Variants in EIPR1 observed in about 807,000 individuals in gnomAD.
The protein encoded by EIPR1 is EARP complex and GARP complex interacting protein 1.
EIPR1 carries 25 observed loss-of-function variants against 48.1 expected under a neutral mutation model. The ratio of observed to expected loss-of-function variants is 0.52; its 90% CI spans 0.38 to 0.73. The LOEUF (loss-of-function observed/expected upper bound fraction) is 0.73. Ranked by LOEUF, EIPR1 falls within the 30% of genes least tolerant of loss-of-function variation. EIPR1 has a pLI of 0.00. For missense variants in EIPR1, 415 were observed against 506.2 expected (o/e 0.82, Z 1.73); for synonymous variants, 204 against 201.9 (o/e 1.01, Z -0.09).
chr2:3,321,438 T>C (rs1669526738), intron 3 of EIPR1, among the ~76,000 whole-genome samples: 1 of 152,196 alleles, frequency 6.6e-6, no homozygotes, highest in African/African-American at 2.4e-5. Flanking sequence ...ACGATGAGGC[T>C]GATGGATTCC....
intron 3 of EIPR1, among the ~76,000 whole-genome samples, chr2:3,287,736 T>TAGAAAGCTCATTCACTATGCTCC (rs1558275163): frequency 1.6e-5 from 2 of 123,446 alleles, no homozygotes; most frequent in African/African-American, 3.1e-5. Context: ...CACCACGCTC[T>TAGAAAGCTCATTCACTATGCTCC]AGAAAGCTCA....
At chr2:3,377,517 A>T in intron 1 of EIPR1, 131 bp downstream of exon 1, 1 of 1,222,180 alleles carries the variant, frequency 8.2e-7, no homozygotes, top group Non-Finnish European at 1.1e-6. Flanking sequence ...TTCTCTGCAA[A>T]ATGGGAACTA....
At chr2:3,276,047 T>C (rs1285467229) in intron 3 of EIPR1, among the ~76,000 whole-genome samples, 1 of 152,214 alleles carries the variant, frequency 6.6e-6, no homozygotes, top group African/African-American at 2.4e-5. Context: ...TTTAAAAATT[T>C]ACAAAACAGT....
intron 3 of EIPR1, among the ~76,000 whole-genome samples, chr2:3,268,095 G>C (rs913663820): frequency 4.6e-5 from 7 of 152,196 alleles, no homozygotes; most frequent in African/African-American, 1.4e-4. Flanking sequence ...CGTGGCCCCA[G>C]CACTGGGCCC....
rs890856514 is a variant in EIPR1, at chr2:3,189,824, T to C, written c.990-316A>G. On this transcript the variant is annotated intron_variant, in intron 8 of 8. Transcript: ENST00000382125. The surrounding 1 kb of genome is among the most constrained non-coding windows in gnomAD (Gnocchi z 4.6). Reference sequence around the variant, plus strand: ...CCCGGGTGCCTGGGTTGATATTTTGTTGGAGGTCTTCCAAGGGCTTCCTTT... The same window carrying C: ...CCCGGGTGCCTGGGTTGATATTTTGCTGGAGGTCTTCCAAGGGCTTCCTTT... Among the ~76,000 whole-genome samples, 1 of 152,170 alleles carries C rather than the reference T, an allele frequency of 6.6e-6. No individual in the cohort carries two copies. The highest frequency in any genetic ancestry group is 2.4e-5 in the African/African-American group (1 of 41,446).
At chr2:3,247,995 TCCA>T (rs1250633033) in intron 4 of EIPR1, among the ~76,000 whole-genome samples, 1 of 152,064 alleles carries the variant, frequency 6.6e-6, no homozygotes, top group Non-Finnish European at 1.5e-5. Flanking sequence ...GTTTGTCCCC[TCCA>T]CATGTCATGT....
chr2:3,323,111 T>TA (rs34895837), intron 3 of EIPR1, among the ~76,000 whole-genome samples: 103 of 149,274 alleles, frequency 6.9e-4, no homozygotes, highest in Middle Eastern at 3.4e-3. Flanking sequence ...ATTTTTTCTT[T>TA]AAAAAAAAAA....
chr2:3,297,487 C>T (rs1668637769), intron 3 of EIPR1, among the ~76,000 whole-genome samples: 1 of 152,224 alleles, frequency 6.6e-6, no homozygotes, highest in Non-Finnish European at 1.5e-5. Context: ...CGGAGTTCAA[C>T]CAGTTTCAGA....
In EIPR1 at chr2:3,194,069, A is replaced by G. The variant is rs1387714641; in HGVS notation, c.751T>C (p.Cys251Arg). Residue 251 changes from cysteine to arginine, a missense_variant, in exon 7 of 9, where the codon TGT becomes CGT. Transcript: ENST00000382125. ...CGGGTGTCCCAGAACTTCACCTTAC[A>G]GTCGTCTCCGCAGCTGGCCAAGTAG... ...QYYLASCGDD[C>R]KVKFWDTRNV... 2 of 1,613,942 alleles carry G rather than the reference A, an allele frequency of 1.2e-6. No homozygotes were observed. Among genetic ancestry groups the G allele is most frequent in the Admixed American group, 1.7e-5 (1 of 60,018 alleles).
intron 3 of EIPR1, among the ~76,000 whole-genome samples, chr2:3,326,486 G>C (rs773228355): frequency 1.5e-4 from 23 of 152,150 alleles, no homozygotes; most frequent in Non-Finnish European, 2.9e-4. Context: ...TAAAAGAAAG[G>C]CTGGGAAAAT....
intron 2 of EIPR1, 79 bp from the exon 3 acceptor site, chr2:3,338,228 A>C: frequency 6.5e-7 from 1 of 1,533,384 alleles, no homozygotes; most frequent in Non-Finnish European, 8.8e-7. Flanking sequence ...GATTACAAAG[A>C]ATAGTCACAT....
At chr2:3,297,681 C>T (rs1668643670) in intron 3 of EIPR1, among the ~76,000 whole-genome samples, 1 of 152,216 alleles carries the variant, frequency 6.6e-6, no homozygotes, top group African/African-American at 2.4e-5. Flanking sequence ...GCAAAATCAG[C>T]CACAGACATT....
chr2:3,203,047 A>C (rs566720944), intron 5 of EIPR1, among the ~76,000 whole-genome samples: 1 of 152,358 alleles, frequency 6.6e-6, no homozygotes, highest in East Asian at 1.9e-4. Flanking sequence ...ACTCGTTATC[A>C]GTTACTCAAT....
At chr2:3,197,866 G>C (rs1329380165) in intron 5 of EIPR1, among the ~76,000 whole-genome samples, 1 of 152,246 alleles carries the variant, frequency 6.6e-6, no homozygotes, top group Non-Finnish European at 1.5e-5. Flanking sequence ...AGCCCTCTGA[G>C]AGGAGCCTGA....
chr2:3,295,871 T>C (rs1317350724), intron 3 of EIPR1, among the ~76,000 whole-genome samples: 18 of 70,412 alleles, frequency 2.6e-4, no homozygotes, highest in East Asian at 5.4e-4. Flanking sequence ...ATCCTCTCTC[T>C]GCACACACCC....
chr2:3,365,676 G>A (rs1268139212), intron 1 of EIPR1, among the ~76,000 whole-genome samples: 6 of 150,304 alleles, frequency 4.0e-5, no homozygotes, highest in African/African-American at 1.5e-4. Context: ...AGATTAGGGA[G>A]TGGTGATGAC....
At chr2:3,289,815 C>T (rs968734341) in intron 3 of EIPR1, among the ~76,000 whole-genome samples, 33 of 152,224 alleles carry the variant, frequency 2.2e-4, no homozygotes, top group Non-Finnish European at 3.4e-4. Context: ...CGGGGCTTCC[C>T]GTCTCAACAG....
At chr2:3,268,056 T>TG (rs757856882) in intron 3 of EIPR1, among the ~76,000 whole-genome samples, 7 of 152,228 alleles carry the variant, frequency 4.6e-5, no homozygotes, top group Non-Finnish European at 1.0e-4. Flanking sequence ...GCCATGGTCC[T>TG]GGAGTGGTTG....
chr2:3,376,388 T>C (rs866179735), intron 1 of EIPR1, among the ~76,000 whole-genome samples: 2 of 152,134 alleles, frequency 1.3e-5, no homozygotes, highest in Middle Eastern at 3.4e-3. Flanking sequence ...TCTCTGACTG[T>C]AACCTACTTA....
Sources: gnomAD v4.1 joint callset for allele counts (sites outside exome capture counted in the v4.1 genomes callset) on GRCh38, gnomAD v4.1.1 for gene constraint, Gnocchi (gnomAD v3.1) non-coding constraint, MANE v1.5 for transcripts, NCBI Gene and HGNC (gene_info 2026-07-23, HGNC 2026-07-21) for gene names.